TMEM63B: variants seen among roughly 807,000 people sequenced by gnomAD.
The protein encoded by TMEM63B is transmembrane protein 63B, also known as mechanosensitive cation channel TMEM63B.
In TMEM63B, 23 loss-of-function variants were observed where a neutral mutation model predicts 102.6. The ratio of observed to expected loss-of-function variants is 0.22; its 90% CI spans 0.16 to 0.32. The LOEUF is 0.32. Ranked by LOEUF, TMEM63B falls within the 10% of genes least tolerant of loss-of-function variation. The probability of loss-of-function intolerance (pLI) is 1.00; values close to 1 mark genes in which losing one functional copy is unlikely to be tolerated. For missense variants in TMEM63B, 628 were observed against 1,095.9 expected (o/e 0.57, Z 6.03); for synonymous variants, 444 against 437.0 (o/e 1.02, Z -0.20).
At position 44,152,792 on chromosome 6, in the gene TMEM63B, A is replaced by T; in HGVS notation, c.1942+94A>T. On this transcript the variant is annotated intron_variant, in intron 20 of 23. Coordinates refer to ENST00000323267, the MANE Select transcript of TMEM63B (RefSeq NM_018426.3). The surrounding 1 kb of genome is among the most constrained non-coding windows in gnomAD (Gnocchi z 6.4). ...GGAATGCAGGCCACCCCGAGTGGAC[A>T]GGGCCCGGCTGGGAGACCGGCCCCT... 9.2e-7 allele frequency: 1 copy of T among 1,091,102 alleles called. No homozygotes were observed. Among genetic ancestry groups the T allele is most frequent in the Non-Finnish European group, 1.3e-6 (1 of 743,710 alleles). 67.6% of individuals were successfully genotyped at this position (1,091,102 alleles called of 1,614,324 possible). A position where few individuals can be genotyped will look rare whatever the true frequency, so the allele number is the denominator to read the frequency against.
chr6:44,142,373 T>TA (rs1764463866), intron 10 of TMEM63B, among the ~76,000 whole-genome samples: 1 of 144,854 alleles, frequency 6.9e-6, no homozygotes, highest in Non-Finnish European at 1.5e-5. Context: ...CTACTGAAAA[T>TA]ACAAAAATTA....
rs397956430 is a variant in TMEM63B at position 44,143,462 on chromosome 6, CT to C, written c.782+2374del. Among the ~76,000 whole-genome samples the C allele has an allele frequency of 5.0e-3, 749 of 149,890 alleles. 8 individuals carry two copies. The highest frequency in any genetic ancestry group is 0.016 in the African/African-American group (648 of 40,976). On this transcript the variant is annotated intron_variant, in intron 10 of 23. Coordinates refer to ENST00000323267, the MANE Select transcript of TMEM63B (RefSeq NM_018426.3). ...AGTGTGTACTCAGAATTAGTGACAT[CT>C]TTTTTTTTTCTCATACCATCTTTTG... is the stretch of plus-strand genomic sequence containing the variant.
rs1767554429 is a variant in TMEM63B, at chr6:44,154,388, T to C, written c.2250T>C (p.Thr750=). 6.2e-7 allele frequency: 1 copy of C among 1,614,016 alleles called. No homozygotes were observed. Among genetic ancestry groups the C allele is most frequent in the Admixed American group, 1.7e-5 (1 of 60,016 alleles). The change falls in exon 23 of 24, where the codon ACT becomes ACC. Residue 750 remains threonine (T), a synonymous_variant. Coordinates refer to ENST00000323267, the MANE Select transcript of TMEM63B (RefSeq NM_018426.3). The part of the protein sequence containing the change: ...NYKIEHTETD[T]VDPRSNGRPP... ...AGATTGAGCACACGGAGACAGATAC[T>C]GTGGACCCCAGAAGCAATGGACGGC... is the stretch of plus-strand genomic sequence containing the variant.
chr6:44,134,077 A>G (rs1362716711), intron 1 of TMEM63B, among the ~76,000 whole-genome samples: 1 of 152,226 alleles, frequency 6.6e-6, no homozygotes, highest in Non-Finnish European at 1.5e-5. Flanking sequence ...TAATAGGCAT[A>G]GAAAGAAAAG....
At chr6:44,139,878 G>A in intron 8 of TMEM63B, 119 bp downstream of exon 8, 2 of 1,237,464 alleles carry the variant, frequency 1.6e-6, no homozygotes, top group Non-Finnish European at 2.4e-6. Flanking sequence ...GATGGCTATG[G>A]GTCCCTGAGG....
chr6:44,128,312 T>TG (rs1429167070), intron 1 of TMEM63B, among the ~76,000 whole-genome samples: 1 of 151,928 alleles, frequency 6.6e-6, no homozygotes, highest in Admixed American at 6.5e-5. Context: ...GTCCTCTCCT[T>TG]GCGCCCCACA....
chr6:44,149,366 G>A, intron 15 of TMEM63B: 1 of 317,132 alleles, frequency 3.2e-6, no homozygotes, highest in Non-Finnish European at 6.1e-6. Context: ...ATGTCTGCCT[G>A]GCCTCCCCTC....
intron 6 of TMEM63B, chr6:44,138,966 C>G (rs908297201): frequency 8.0e-6 from 2 of 249,842 alleles, no homozygotes; most frequent in African/African-American, 4.4e-5. Context: ...CCAGGCCTCC[C>G]CCAAGGGTAC....
chr6:44,154,508 C>CT (rs1176673002), intron 23 of TMEM63B, 63 bp downstream of exon 23: 25 of 1,597,668 alleles, frequency 1.6e-5, no homozygotes, highest in Non-Finnish European at 2.1e-5. Flanking sequence ...CCAGTGTTCC[C>CT]TTAGTCCTGC....
At chr6:44,149,036 C>G (rs763000048) in intron 15 of TMEM63B, 91 bp downstream of exon 15, 2 of 1,591,978 alleles carry the variant, frequency 1.3e-6, no homozygotes, top group South Asian at 1.1e-5. Flanking sequence ...CAGCCCAGCC[C>G]GTTCTGCTTG....
chr6:44,152,144 G>A lies in TMEM63B; in HGVS notation c.1836+136G>A, dbSNP rs978617593. 1.7e-6 allele frequency: 2 copies of A among 1,145,114 alleles called. No individual in the cohort carries two copies. Among genetic ancestry groups the A allele is most frequent in the African/African-American group, 1.6e-5 (1 of 63,782 alleles). The allele number at this position is 1,145,114 out of a possible 1,614,324, so 70.9% of individuals were successfully genotyped here. On this transcript the variant is annotated intron_variant, in intron 19 of 23. Transcript: ENST00000323267. The surrounding 1 kb of genome is among the most constrained non-coding windows in gnomAD (Gnocchi z 6.4). ...AGTACAGTTGACTCACGGTGGATCCGGGCCATCCCCTTCCCATATCTGGGG... is the reference window on the plus strand; with the variant it reads ...AGTACAGTTGACTCACGGTGGATCCAGGCCATCCCCTTCCCATATCTGGGG...
At chr6:44,134,873 C>T in intron 2 of TMEM63B, 130 bp downstream of exon 2, 1 of 1,486,676 alleles carries the variant, frequency 6.7e-7, no homozygotes. Context: ...CCCCATCATC[C>T]AGCCCAAGCC....
intron 1 of TMEM63B, chr6:44,132,146 A>T: frequency 1.7e-6 from 1 of 579,592 alleles, no homozygotes; most frequent in Non-Finnish European, 2.2e-6. Flanking sequence ...TGCTTCCCCT[A>T]CTGGGTTCCT....
intron 2 of TMEM63B, 125 bp from the exon 3 acceptor site, chr6:44,134,892 G>T: frequency 6.7e-7 from 1 of 1,493,342 alleles, no homozygotes; most frequent in South Asian, 1.2e-5. Context: ...CCTCGCCTTT[G>T]ACCATTCACC....
chr6:44,135,894 G>T (rs560575664), intron 4 of TMEM63B, among the ~76,000 whole-genome samples: 2 of 152,270 alleles, frequency 1.3e-5, no homozygotes, highest in African/African-American at 4.8e-5. Context: ...AGAGGGAGGG[G>T]AGCGGAGGGT....
Position 44,127,610 on chromosome 6 carries a change from C to T in TMEM63B, c.-93C>T, listed in dbSNP as rs996556869. 6.7e-6 allele frequency: 1 copy of T among 149,300 alleles called. No homozygotes were observed. The highest frequency in any genetic ancestry group is 2.1e-4 in the South Asian group (1 of 4,686). The allele number at this position is 149,300 out of a possible 1,614,324, so 9.2% of individuals were successfully genotyped here. On this transcript the variant is annotated 5_prime_UTR_variant, in exon 1 of 24. Coordinates refer to ENST00000323267, the MANE Select transcript of TMEM63B (RefSeq NM_018426.3). ...AGCTCGAGCCGCCCAGCGACTCCCC[C>T]TCCCCCTCCCCCAGCCCCGCCCCGC...
At chr6:44,132,423 C>A in intron 1 of TMEM63B, 2 of 740,082 alleles carry the variant, frequency 2.7e-6, no homozygotes, top group Non-Finnish European at 1.6e-6. Context: ...TACTCTGGGG[C>A]TTGTTCTCAT....
rs546046550 is a variant in TMEM63B, at chr6:44,137,846, G to T, written c.370-634G>T. ...CCCAAGTAACTGGGATTACAGGCGCGCACCACCACACCCAGCTAATTTTTG... is the reference window on the plus strand; with the variant it reads ...CCCAAGTAACTGGGATTACAGGCGCTCACCACCACACCCAGCTAATTTTTG... On this transcript the variant is annotated intron_variant, in intron 5 of 23. Coordinates refer to ENST00000323267, the MANE Select transcript of TMEM63B (RefSeq NM_018426.3). Among the ~76,000 whole-genome samples the T allele has an allele frequency of 2.0e-5, 3 of 152,054 alleles. No individual in the cohort carries two copies. The East Asian group carries it at 5.8e-4, about 29-fold the overall frequency.
rs1345887437 is a variant in TMEM63B at position 44,139,742 on chromosome 6, T to C, written c.585T>C (p.Ile195=). Residue 195 remains isoleucine (I), a synonymous_variant, in exon 8 of 24, where the codon ATT becomes ATC. Transcript: ENST00000323267. ...NNAYSFGRTT[I]ANLKSGNNLL... The stretch of plus-strand genomic sequence containing the variant: ...CCTACAGCTTTGGGAGAACCACCAT[T>C]GCCAACTTGAAATCAGGGTAAGATG... 6.2e-7 allele frequency: 1 copy of C among 1,613,976 alleles called. No individual in the cohort carries two copies. The highest frequency in any genetic ancestry group is 8.5e-7 in the Non-Finnish European group (1 of 1,179,980).
Sources: gnomAD v4.1 joint callset for allele counts (sites outside exome capture counted in the v4.1 genomes callset) on GRCh38, gnomAD v4.1.1 for gene constraint, Gnocchi (gnomAD v3.1) non-coding constraint, MANE v1.5 for transcripts, NCBI Gene and HGNC (gene_info 2026-07-23, HGNC 2026-07-21) for gene names.